Variants in HSD17B12 observed in about 807,000 individuals in gnomAD.
HSD17B12 encodes the protein very-long-chain 3-oxoacyl-CoA reductase.
Under a neutral mutation model 39.3 loss-of-function variants are expected in HSD17B12, and 32 were observed. The ratio of observed to expected loss-of-function variants is 0.81; its 90% CI spans 0.61 to 1.09. HSD17B12 has a LOEUF of 1.09. HSD17B12 is among the 50% of genes least tolerant of loss of function. The pLI, the probability that HSD17B12 is intolerant of heterozygous loss-of-function variation, is 0.00. For synonymous variants in HSD17B12, 150 were observed against 146.7 expected (o/e 1.02, Z -0.16); for missense variants, 342 against 382.9 (o/e 0.89, Z 0.89).
At chr11:43,754,572 T>G (rs540679684) in intron 3 of HSD17B12, among the ~76,000 whole-genome samples, 1 of 152,308 alleles carries the variant, frequency 6.6e-6, no homozygotes, top group South Asian at 2.1e-4. Context: ...TGAGACTCCA[T>G]CTCAGAAAAC....
At chr11:43,712,607 A>G (rs1021463168) in intron 1 of HSD17B12, among the ~76,000 whole-genome samples, 7 of 152,046 alleles carry the variant, frequency 4.6e-5, no homozygotes, top group Admixed American at 6.6e-5. Context: ...GATCTAACCA[A>G]TGTAAATCTT....
chr11:43,714,577 T>C (rs2134845485), intron 1 of HSD17B12, among the ~76,000 whole-genome samples: 1 of 152,330 alleles, frequency 6.6e-6, no homozygotes, highest in Non-Finnish European at 1.5e-5. Context: ...AGCTTTGTTC[T>C]TTTGGCTTAG....
chr11:43,663,870 A>T, the HSD17B12 span, among the ~76,000 whole-genome samples: 5 of 147,654 alleles, frequency 3.4e-5, no homozygotes, highest in East Asian at 2.0e-4. Flanking sequence ...TATTTTTATT[A>T]TTTTTTTTTT....
intron 3 of HSD17B12, among the ~76,000 whole-genome samples, chr11:43,779,754 A>C (rs1950746276): frequency 6.6e-6 from 1 of 152,204 alleles, no homozygotes; most frequent in African/African-American, 2.4e-5. Flanking sequence ...AATGGGCCAA[A>C]ATGAGAAATA....
At chr11:43,667,668 A>G in the HSD17B12 span, among the ~76,000 whole-genome samples, 1 of 152,226 alleles carries the variant, frequency 6.6e-6, no homozygotes, top group Non-Finnish European at 1.5e-5. Context: ...TTCATGTTTC[A>G]TATACACCTT....
At chr11:43,798,543 C>A in intron 4 of HSD17B12, 116 bp downstream of exon 4, 1 of 620,700 alleles carries the variant, frequency 1.6e-6, no homozygotes, top group Non-Finnish European at 2.8e-6. Flanking sequence ...TTACGTAAGA[C>A]ATTATCAGTG....
intron 3 of HSD17B12, among the ~76,000 whole-genome samples, chr11:43,760,400 A>G (rs984317189): frequency 2.6e-5 from 4 of 152,162 alleles, no homozygotes; most frequent in Non-Finnish European, 1.5e-5. Context: ...TGATTTTTAA[A>G]ACTGCATATT....
At chr11:43,708,891 CCTT>C (rs1362192303) in intron 1 of HSD17B12, among the ~76,000 whole-genome samples, 2 of 152,206 alleles carry the variant, frequency 1.3e-5, no homozygotes, top group Admixed American at 6.5e-5. Context: ...GCAACTATAA[CCTT>C]CTTCTCGCCC....
At chr11:43,787,553 A>G (rs969053159) in intron 3 of HSD17B12, among the ~76,000 whole-genome samples, 1 of 151,942 alleles carries the variant, frequency 6.6e-6, no homozygotes, top group East Asian at 2.0e-4. Flanking sequence ...CCTGGCCAAC[A>G]TTGTGAAACT....
chr11:43,651,067 A>G, the HSD17B12 span, among the ~76,000 whole-genome samples: 10 of 152,362 alleles, frequency 6.6e-5, no homozygotes, highest in African/African-American at 2.2e-4. Context: ...AAGACTACAT[A>G]TATCTACCAT....
intron 3 of HSD17B12, among the ~76,000 whole-genome samples, chr11:43,782,093 A>G (rs1219055409): frequency 6.6e-6 from 1 of 152,220 alleles, no homozygotes; most frequent in Non-Finnish European, 1.5e-5. Flanking sequence ...CTTATATATC[A>G]TTAGCATGAA....
chr11:43,808,596 T>C (rs1370462042), intron 4 of HSD17B12, among the ~76,000 whole-genome samples: 1 of 152,218 alleles, frequency 6.6e-6, no homozygotes, highest in Non-Finnish European at 1.5e-5. Context: ...CAACCTCATG[T>C]CATCTTTCTT....
the HSD17B12 span, among the ~76,000 whole-genome samples, chr11:43,582,835 G>C: frequency 6.6e-6 from 1 of 152,152 alleles, no homozygotes; most frequent in Non-Finnish European, 1.5e-5. Flanking sequence ...GGCTAAATCA[G>C]AGCTTTCCTC....
At chr11:43,762,394 T>TA (rs1210330567) in intron 3 of HSD17B12, among the ~76,000 whole-genome samples, 2 of 152,218 alleles carry the variant, frequency 1.3e-5, no homozygotes, top group Admixed American at 1.3e-4. Context: ...AAGCCTGACT[T>TA]ACACTGAGAA....
At chr11:43,616,809 A>AG in the HSD17B12 span, among the ~76,000 whole-genome samples, 1 of 150,158 alleles carries the variant, frequency 6.7e-6, no homozygotes, top group East Asian at 2.0e-4. Flanking sequence ...AAAAAAAAAA[A>AG]AAAAAAAAAA....
chr11:43,757,982 T>C (rs150128353), intron 3 of HSD17B12, among the ~76,000 whole-genome samples: 66 of 152,228 alleles, frequency 4.3e-4, no homozygotes, highest in African/African-American at 1.5e-3. Context: ...GCAAGTTGCA[T>C]AGGATACATG....
chr11:43,612,256 A>G, the HSD17B12 span, among the ~76,000 whole-genome samples: 5 of 152,204 alleles, frequency 3.3e-5, no homozygotes, highest in Non-Finnish European at 5.9e-5. Flanking sequence ...CTCTGTTTTT[A>G]TAATTATGAG....
chr11:43,698,089 T>G (rs1405213434), intron 1 of HSD17B12, among the ~76,000 whole-genome samples: 1 of 152,010 alleles, frequency 6.6e-6, no homozygotes, highest in Non-Finnish European at 1.5e-5. Flanking sequence ...AGACAGGGAC[T>G]GGGAGAGGGA....
chr11:43,681,184 G>A (rs1192337297), intron 1 of HSD17B12, 197 bp downstream of exon 1: 48 of 1,378,814 alleles, frequency 3.5e-5, no homozygotes, highest in Non-Finnish European at 4.0e-5. Context: ...GAGTTTTAAG[G>A]TACGAAATAC....
Sources: gnomAD v4.1 joint callset for allele counts (sites outside exome capture counted in the v4.1 genomes callset) on GRCh38, gnomAD v4.1.1 for gene constraint, MANE v1.5 for transcripts, NCBI Gene and HGNC (gene_info 2026-07-23, HGNC 2026-07-21) for gene names.